The following SERINC5 variants were observed in gnomAD, a reference collection of about 807,000 sequenced individuals.
SERINC5 encodes the protein chromosome 5 open reading frame 12.
SERINC5 carries 41 observed loss-of-function variants against 63.1 expected under a neutral mutation model. The ratio of observed to expected loss-of-function variants is 0.65; its 90% CI spans 0.51 to 0.84. SERINC5 has a LOEUF of 0.84. Ranked by LOEUF, SERINC5 falls within the 40% of genes least tolerant of loss-of-function variation. The pLI, the probability that SERINC5 is intolerant of heterozygous loss-of-function variation, is 0.00. For synonymous variants in SERINC5, 222 were observed against 215.2 expected, an observed-to-expected ratio of 1.03 and a Z score of -0.28; for missense variants, 523 against 573.0, an observed-to-expected ratio of 0.91 and a Z score of 0.89.
intron 11 of SERINC5, among the ~76,000 whole-genome samples, chr5:80,130,376 T>C: frequency 6.8e-6 from 1 of 146,472 alleles, no homozygotes; most frequent in East Asian, 2.1e-4. Flanking sequence ...CGAGATTCCA[T>C]CTCAAAAAAA....
intron 1 of SERINC5, among the ~76,000 whole-genome samples, chr5:80,225,721 A>G (rs1308040506): frequency 3.3e-5 from 5 of 152,184 alleles, no homozygotes; most frequent in Admixed American, 3.3e-4. Flanking sequence ...CCTGTGTAAT[A>G]TGCACTCACA....
intron 1 of SERINC5, among the ~76,000 whole-genome samples, chr5:80,225,541 T>G (rs554621964): frequency 6.6e-5 from 10 of 152,296 alleles, no homozygotes; most frequent in African/African-American, 2.4e-4. Context: ...ATAAGTTACC[T>G]TATTTTTGGA....
chr5:80,242,130 GA>G (rs1751965236), intron 1 of SERINC5, among the ~76,000 whole-genome samples: 1 of 151,804 alleles, frequency 6.6e-6, no homozygotes, highest in Non-Finnish European at 1.5e-5. Flanking sequence ...GATCCCATCT[GA>G]AAACACAACA....
chr5:80,174,696 G>A (rs770136948), intron 5 of SERINC5, among the ~76,000 whole-genome samples: 3 of 152,110 alleles, frequency 2.0e-5, no homozygotes, highest in Non-Finnish European at 4.4e-5. Flanking sequence ...GAGGTCAGGA[G>A]ATCGAGACCC....
intron 1 of SERINC5, among the ~76,000 whole-genome samples, chr5:80,229,126 C>T (rs889338773): frequency 9.1e-5 from 13 of 142,528 alleles, no homozygotes; most frequent in Non-Finnish European, 1.5e-4. Flanking sequence ...TGAGTTCAAG[C>T]GATTCTTGTG....
intron 3 of SERINC5, 45 bp downstream of exon 3, chr5:80,177,841 C>T: frequency 6.8e-7 from 1 of 1,474,920 alleles, no homozygotes; most frequent in Non-Finnish European, 9.2e-7. Flanking sequence ...CTGTCCTGAA[C>T]ATAAGAAAGG....
chr5:80,250,125 A>G (rs1752338667), intron 1 of SERINC5, among the ~76,000 whole-genome samples: 1 of 152,220 alleles, frequency 6.6e-6, no homozygotes, highest in Non-Finnish European at 1.5e-5. Flanking sequence ...GCTTATAAGA[A>G]GAGAGGAAAC....
At chr5:80,219,231 C>T (rs1750796693) in intron 1 of SERINC5, among the ~76,000 whole-genome samples, 2 of 152,268 alleles carry the variant, frequency 1.3e-5, no homozygotes, top group South Asian at 4.1e-4. Context: ...CGCCCTCACT[C>T]CTCTAGCCCA....
chr5:80,146,753 C>G (rs73125953), intron 10 of SERINC5, among the ~76,000 whole-genome samples: 11,618 of 152,162 alleles, frequency 0.076, 1,509 homozygotes, highest in African/African-American at 0.27. Flanking sequence ...ACCGTGCCTG[C>G]CCTGCCACAT....
chr5:80,236,674 C>T (rs113127942), intron 1 of SERINC5, among the ~76,000 whole-genome samples: 17,051 of 151,644 alleles, frequency 0.11, 1,130 homozygotes, highest in East Asian at 0.26. Context: ...TACAGGTGCA[C>T]GCCACCACGC....
At chr5:80,197,903 G>A (rs778023073) in intron 2 of SERINC5, among the ~76,000 whole-genome samples, 48 of 152,080 alleles carry the variant, frequency 3.2e-4, no homozygotes, top group Non-Finnish European at 5.9e-4. Flanking sequence ...GCAGTGCCGG[G>A]ATCTCGGCTC....
chr5:80,203,957 A>G (rs1750020666), intron 1 of SERINC5, among the ~76,000 whole-genome samples: 1 of 152,146 alleles, frequency 6.6e-6, no homozygotes, highest in African/African-American at 2.4e-5. Flanking sequence ...AATCAGCCGC[A>G]TGTACATAAT....
At chr5:80,232,687 G>A (rs192122189) in intron 1 of SERINC5, among the ~76,000 whole-genome samples, 5 of 152,076 alleles carry the variant, frequency 3.3e-5, no homozygotes, top group Admixed American at 1.3e-4. Context: ...AGGAGGTTGA[G>A]GCAGGAGAAT....
chr5:80,250,441 A>G (rs1752358085), intron 1 of SERINC5, among the ~76,000 whole-genome samples: 1 of 152,206 alleles, frequency 6.6e-6, no homozygotes, highest in Non-Finnish European at 1.5e-5. Flanking sequence ...TCCCAGGTTC[A>G]AGCGACTCTC....
intron 9 of SERINC5, among the ~76,000 whole-genome samples, chr5:80,149,374 G>A (rs1746024348): frequency 2.4e-5 from 1 of 42,140 alleles, no homozygotes; most frequent in Admixed American, 3.4e-4. Flanking sequence ...AAGAGTTGGT[G>A]AATGATGTTG....
At chr5:80,214,562 A>AAC (rs1750579288) in intron 1 of SERINC5, among the ~76,000 whole-genome samples, 1 of 143,902 alleles carries the variant, frequency 6.9e-6, no homozygotes. Flanking sequence ...TAAAAAAACA[A>AAC]AAAAAAAACG....
intron 11 of SERINC5, among the ~76,000 whole-genome samples, chr5:80,132,028 C>T (rs1281726276): frequency 1.3e-5 from 2 of 152,146 alleles, no homozygotes; most frequent in Non-Finnish European, 2.9e-5. Flanking sequence ...GCCATTTCGG[C>T]CTAGTTGAGC....
chr5:80,200,335 A>AAC, intron 2 of SERINC5, among the ~76,000 whole-genome samples: 1 of 150,688 alleles, frequency 6.6e-6, no homozygotes, highest in Non-Finnish European at 1.5e-5. Flanking sequence ...AAAAAAAAAA[A>AAC]ATTAGCCAGG....
chr5:80,161,561 G>GT (rs1277733969), intron 7 of SERINC5, among the ~76,000 whole-genome samples: 5 of 152,014 alleles, frequency 3.3e-5, no homozygotes, highest in South Asian at 4.1e-4. Context: ...ATTATTTGGT[G>GT]TTTTTTGTTG....
Sources: gnomAD v4.1 joint callset for allele counts (sites outside exome capture counted in the v4.1 genomes callset) on GRCh38, gnomAD v4.1.1 for gene constraint, MANE v1.5 for transcripts, NCBI Gene and HGNC (gene_info 2026-07-23, HGNC 2026-07-21) for gene names.